The following KLRD1 variants were observed in gnomAD, a reference collection of about 807,000 sequenced individuals.
KLRD1 encodes the protein killer cell lectin like receptor D1, also known as natural killer cells antigen CD94.
KLRD1 carries 21 observed loss-of-function variants against 22.6 expected under a neutral mutation model. The ratio of observed to expected loss-of-function variants is 0.93; its 90% CI spans 0.66 to 1.34. The LOEUF is 1.34. KLRD1 is among the 40% of genes most tolerant of loss of function. The pLI is 0.00. For missense variants in KLRD1, 183 were observed against 208.6 expected (o/e 0.88, Z 0.76); for synonymous variants, 59 against 71.1 (o/e 0.83, Z 0.85).
intron 1 of KLRD1, among the ~76,000 whole-genome samples, chr12:10,272,860 A>G (rs1251528790): frequency 1.3e-5 from 2 of 152,216 alleles, no homozygotes; most frequent in Non-Finnish European, 2.9e-5. Context: ...TATTAACCAT[A>G]AAGATTTCCT....
chr12:10,311,921 A>G (rs929892110), intron 4 of KLRD1, among the ~76,000 whole-genome samples: 2 of 152,170 alleles, frequency 1.3e-5, no homozygotes, highest in Non-Finnish European at 2.9e-5. Context: ...AACCAACTAA[A>G]TGACTGTGAT....
chr12:10,243,607 C>CAAAAAAAAAAAAAA (rs34864670), intron 1 of KLRD1, among the ~76,000 whole-genome samples: 1 of 28,792 alleles, frequency 3.5e-5, no homozygotes, highest in African/African-American at 2.0e-4. Flanking sequence ...AGTGAGACTC[C>CAAAAAAAAAAAAAA]AAAAAAAAAA....
intron 1 of KLRD1, among the ~76,000 whole-genome samples, chr12:10,279,658 G>A (rs1949622832): frequency 1.3e-5 from 2 of 152,104 alleles, no homozygotes; most frequent in Non-Finnish European, 2.9e-5. Context: ...TTCAGAACAT[G>A]ATTATAATAC....
intron 1 of KLRD1, among the ~76,000 whole-genome samples, chr12:10,279,177 A>G (rs1304208861): frequency 2.6e-5 from 4 of 151,888 alleles, no homozygotes; most frequent in Non-Finnish European, 5.9e-5. Context: ...CCTGGTTTCT[A>G]TTGTTCTCTT....
Position 10,317,714 on chromosome 12 carries a change from A to G in KLRD1, c.*2921A>G, listed in dbSNP as rs1203024532. 2 of 152,174 alleles carry G rather than the reference A, an allele frequency of 1.3e-5. No homozygotes were observed. The highest frequency in any genetic ancestry group is 2.9e-5 in the Non-Finnish European group (2 of 68,032). 9.4% of individuals were successfully genotyped at this position (152,174 alleles called of 1,614,324 possible). A position where few individuals can be genotyped will look rare whatever the true frequency, so the allele number is the denominator to read the frequency against. On this transcript the variant is annotated 3_prime_UTR_variant, in exon 6 of 6. Coordinates refer to ENST00000336164, the MANE Select transcript of KLRD1 (RefSeq NM_002262.5). ...CGGCCCAGGTAGCCGTTGCTCACCC[A>G]CAACATTAGTGTATTAGTCCGTTCT...
At chr12:10,253,227 A>G (rs1949361307) in intron 1 of KLRD1, among the ~76,000 whole-genome samples, 1 of 152,094 alleles carries the variant, frequency 6.6e-6, no homozygotes, top group African/African-American at 2.4e-5. Context: ...AGTTCTTTGA[A>G]TACTTTTTGC....
intron 1 of KLRD1, among the ~76,000 whole-genome samples, chr12:10,294,111 A>G (rs983420492): frequency 2.1e-4 from 32 of 152,126 alleles, no homozygotes; most frequent in African/African-American, 7.2e-4. Flanking sequence ...AAAGCTTGTG[A>G]AAGTCATTGC....
intron 1 of KLRD1, among the ~76,000 whole-genome samples, chr12:10,275,714 C>T (rs548111019): frequency 7.6e-4 from 116 of 152,186 alleles, no homozygotes; most frequent in South Asian, 6.4e-3. Flanking sequence ...TGCAAAACTG[C>T]GTTTGTATAT....
At chr12:10,257,360 T>A (rs1387330153) in intron 1 of KLRD1, among the ~76,000 whole-genome samples, 1 of 151,232 alleles carries the variant, frequency 6.6e-6, no homozygotes, top group Non-Finnish European at 1.5e-5. Flanking sequence ...ATGGGTATAT[T>A]GGTCTGTTAA....
chr12:10,297,965 T>C (rs998174681), intron 1 of KLRD1, among the ~76,000 whole-genome samples: 5 of 152,250 alleles, frequency 3.3e-5, no homozygotes, highest in African/African-American at 1.2e-4. Context: ...CTTGAACTTC[T>C]TTTCTCCCTG....
rs1001146428 is a variant in KLRD1, at chr12:10,321,394, C to T, written c.*6601C>T. On this transcript the variant is annotated 3_prime_UTR_variant, in exon 6 of 6. Coordinates refer to ENST00000336164, the MANE Select transcript of KLRD1 (RefSeq NM_002262.5). Reference sequence around the variant, plus strand: ...TGACAAATTTCGGACTTTGAACTGACATTGTAACGGAATGAGATTTGGCAG... The same window carrying T: ...TGACAAATTTCGGACTTTGAACTGATATTGTAACGGAATGAGATTTGGCAG... 6.6e-6 allele frequency: 1 copy of T among 152,170 alleles called. No individual in the cohort carries two copies. Among genetic ancestry groups the T allele is most frequent in the Non-Finnish European group, 1.5e-5 (1 of 68,030 alleles). 9.4% of individuals were successfully genotyped at this position (152,170 alleles called of 1,614,324 possible). A position where few individuals can be genotyped will look rare whatever the true frequency, so the allele number is the denominator to read the frequency against.
intron 1 of KLRD1, among the ~76,000 whole-genome samples, chr12:10,242,438 A>G (rs975465234): frequency 4.6e-5 from 7 of 152,160 alleles, no homozygotes; most frequent in African/African-American, 1.7e-4. Flanking sequence ...AATCCAAAGC[A>G]GCTACCCACT....
At position 10,242,746 on chromosome 12, in the gene KLRD1, T is replaced by C. The variant is rs60130117; in HGVS notation, c.-101+16513T>C. 3.9e-3 allele frequency among the ~76,000 whole-genome samples: 596 copies of C among 152,222 alleles called. 18 individuals carry two copies. In the East Asian group the frequency reaches 0.068, roughly 17 times the overall value. On this transcript the variant is annotated intron_variant, in intron 1 of 5. Coordinates refer to the KLRD1 transcript ENST00000544747. ...TTTGATAATAGCCAGTCTGTAGGAG[T>C]GAAGTAATATCTTATTGTGGTTTTA...
rs144217228 is a variant in KLRD1 at position 10,259,740 on chromosome 12, C to T, written c.-101+33507C>T. Among the ~76,000 whole-genome samples, 535 of 152,188 alleles carry T rather than the reference C, an allele frequency of 3.5e-3. 1 individual carries two copies. Among genetic ancestry groups the T allele is most frequent in the African/African-American group, 0.012 (506 of 41,528 alleles). On this transcript the variant is annotated intron_variant, in intron 1 of 5. Coordinates refer to the KLRD1 transcript ENST00000544747. ...CAGCACTTTGGGAGGTTGAGGCAGACGGATCACGTGAAGTTGGGAGTTTGA... is the reference window on the plus strand; with the variant it reads ...CAGCACTTTGGGAGGTTGAGGCAGATGGATCACGTGAAGTTGGGAGTTTGA...
At chr12:10,296,175 A>G (rs1303352765) in intron 1 of KLRD1, among the ~76,000 whole-genome samples, 2 of 152,308 alleles carry the variant, frequency 1.3e-5, no homozygotes, top group African/African-American at 4.8e-5. Context: ...CTGATGTTTT[A>G]TCCACAGTGT....
intron 1 of KLRD1, among the ~76,000 whole-genome samples, chr12:10,241,358 AT>A (rs1949239686): frequency 6.6e-6 from 1 of 152,154 alleles, no homozygotes. Context: ...GAGGGGAGCG[AT>A]TTTTTACTTT....
chr12:10,301,765 G>T (rs1378634878), upstream of KLRD1, among the ~76,000 whole-genome samples: 1 of 152,162 alleles, frequency 6.6e-6, no homozygotes, highest in Non-Finnish European at 1.5e-5. Flanking sequence ...ACTCTTTTGT[G>T]TAAGAAGCCT....
upstream of KLRD1, among the ~76,000 whole-genome samples, chr12:10,300,859 C>T (rs901240206): frequency 1.3e-5 from 2 of 152,222 alleles, no homozygotes; most frequent in African/African-American, 4.8e-5. Flanking sequence ...GCTGCCTCAC[C>T]TTGCACTTGT....
At chr12:10,276,695 CAAA>C (rs11318914) in intron 1 of KLRD1, among the ~76,000 whole-genome samples, 6 of 133,068 alleles carry the variant, frequency 4.5e-5, no homozygotes, top group Admixed American at 1.5e-4. Flanking sequence ...TAAAATTTGA[CAAA>C]AAAAAAAAAA....
Sources: allele counts gnomAD v4.1 joint callset (sites outside exome capture counted in the v4.1 genomes callset), GRCh38; gene constraint gnomAD v4.1.1; transcripts MANE v1.5; gene names NCBI Gene and HGNC (gene_info 2026-07-23, HGNC 2026-07-21).